The following CEP85 variants were observed in gnomAD, a reference collection of about 807,000 sequenced individuals.
CEP85 encodes the protein centrosomal protein 85, also known as centrosomal protein of 85 kDa.
In CEP85, 58 loss-of-function variants were observed where a neutral mutation model predicts 93.7. The ratio of observed to expected loss-of-function variants is 0.62; its 90% CI spans 0.50 to 0.77. The LOEUF (loss-of-function observed/expected upper bound fraction) is 0.77, where lower values mean the gene tolerates loss of function less well. Among genes scored for constraint, CEP85 ranks in the 30% least tolerant of loss-of-function variants. CEP85 has a pLI of 0.00. For synonymous variants in CEP85, 314 were observed against 338.6 expected (o/e 0.93, Z 0.80); for missense variants, 868 against 922.0 (o/e 0.94, Z 0.76).
At chr1:26,242,233 T>C (rs1417885786) in intron 2 of CEP85, among the ~76,000 whole-genome samples, 2 of 152,118 alleles carry the variant, frequency 1.3e-5, no homozygotes, top group African/African-American at 4.8e-5. Flanking sequence ...CGGTTTCCAG[T>C]AGGAAGTCAG....
chr1:26,273,901 A>AAAATAAAT (rs1553161625), intron 11 of CEP85, among the ~76,000 whole-genome samples: 18,869 of 141,038 alleles, frequency 0.13, 1,459 homozygotes, highest in South Asian at 0.2. Context: ...ACCCCATCTC[A>AAAATAAAT]AAATAAATAA....
intron 3 of CEP85, among the ~76,000 whole-genome samples, chr1:26,248,535 G>A (rs902108593): frequency 5.3e-5 from 8 of 151,650 alleles, no homozygotes; most frequent in Non-Finnish European, 1.0e-4. Context: ...TCGCTCTGTC[G>A]CCCAGGCTGG....
chr1:26,271,222 G>C, intron 10 of CEP85, 115 bp downstream of exon 10: 1 of 621,406 alleles, frequency 1.6e-6, no homozygotes, highest in Non-Finnish European at 2.8e-6. Flanking sequence ...TTGTTACCAA[G>C]AGCTTTTCTT....
chr1:26,276,182 A>G (rs1264796014), intron 12 of CEP85, among the ~76,000 whole-genome samples: 1 of 152,196 alleles, frequency 6.6e-6, no homozygotes, highest in African/African-American at 2.4e-5. Context: ...AGCCTTCTCT[A>G]ATAGCCTGGC....
intron 4 of CEP85, among the ~76,000 whole-genome samples, chr1:26,256,635 G>A (rs1209552644): frequency 8.0e-6 from 1 of 125,452 alleles, no homozygotes; most frequent in African/African-American, 3.0e-5. Flanking sequence ...GTCTTGCTCT[G>A]TTGCCCAGGC....
In CEP85 at chr1:26,272,642, T is replaced by TTG. The variant is rs1553161519; in HGVS notation, c.1794+572_1794+573insGT. 3.5e-4 allele frequency among the ~76,000 whole-genome samples: 48 copies of TTG among 135,294 alleles called. 1 individual carries two copies. The highest frequency in any genetic ancestry group is 1.2e-3 in the African/African-American group (43 of 34,828). The allele number at this position is 135,294 out of a possible 152,430, so 88.8% of individuals were successfully genotyped here. On this transcript the variant is annotated intron_variant, in intron 11 of 13. Coordinates refer to ENST00000451429, the MANE Select transcript of CEP85 (RefSeq NM_001319944.2). ...ATTTTTTTTTTTTTTTTTTTTTTTT[T>TTG]TTGGAGACAGAGTCTCGCTCTTGTC...
chr1:26,260,272 C>T (rs1285974882), intron 7 of CEP85, among the ~76,000 whole-genome samples: 1 of 152,154 alleles, frequency 6.6e-6, no homozygotes, highest in African/African-American at 2.4e-5. Context: ...GGGTGGATCA[C>T]CTGAGGTCCA....
At chr1:26,270,940 A>G (rs1452960437) in intron 9 of CEP85, 74 bp from the exon 10 acceptor site, 1 of 913,548 alleles carries the variant, frequency 1.1e-6, no homozygotes, top group Non-Finnish European at 1.8e-6. Flanking sequence ...AAAATGTGCA[A>G]TAAGTAGCAG....
chr1:26,247,964 A>G (rs1342155338), intron 3 of CEP85, among the ~76,000 whole-genome samples: 2 of 152,102 alleles, frequency 1.3e-5, no homozygotes, highest in East Asian at 1.9e-4. Flanking sequence ...CCCAGCCCCT[A>G]GAGTTAATTT....
intron 3 of CEP85, among the ~76,000 whole-genome samples, chr1:26,248,083 G>T (rs748151370): frequency 6.6e-6 from 1 of 152,134 alleles, no homozygotes; most frequent in Non-Finnish European, 1.5e-5. Context: ...GCCTCTGCTC[G>T]TTTTGATTGG....
intron 3 of CEP85, among the ~76,000 whole-genome samples, chr1:26,250,932 CTTT>C (rs869156420): frequency 5.7e-5 from 1 of 17,520 alleles, no homozygotes; most frequent in Non-Finnish European, 1.4e-4. Flanking sequence ...TTTCTTTTTT[CTTT>C]TTTTTTTTTT....
At chr1:26,256,342 C>G (rs900409333) in intron 4 of CEP85, among the ~76,000 whole-genome samples, 2 of 151,888 alleles carry the variant, frequency 1.3e-5, no homozygotes, top group African/African-American at 2.4e-5. Flanking sequence ...ACCAGCCTGG[C>G]CAGCAGAGTG....
intron 3 of CEP85, among the ~76,000 whole-genome samples, chr1:26,249,446 C>T (rs537416237): frequency 6.6e-6 from 1 of 152,226 alleles, no homozygotes; most frequent in African/African-American, 2.4e-5. Flanking sequence ...ACAAGAACCC[C>T]TGTGACTGGT....
chr1:26,271,753 G>T, intron 10 of CEP85: 1 of 448,110 alleles, frequency 2.2e-6, no homozygotes, highest in Non-Finnish European at 4.0e-6. Flanking sequence ...CAGTTATTAG[G>T]GTGAGAGTTC....
At chr1:26,238,767 CTTAATG>C (rs1238716853) in intron 1 of CEP85, among the ~76,000 whole-genome samples, 1 of 152,148 alleles carries the variant, frequency 6.6e-6, no homozygotes, top group Non-Finnish European at 1.5e-5. Flanking sequence ...AAATTGATAA[CTTAATG>C]TTTAGTGGGT....
At chr1:26,259,121 G>A (rs1455639619) in intron 6 of CEP85, among the ~76,000 whole-genome samples, 1 of 152,210 alleles carries the variant, frequency 6.6e-6, no homozygotes, top group Non-Finnish European at 1.5e-5. Flanking sequence ...AGAGTGGGAA[G>A]TGCCTTAAAT....
In CEP85 at chr1:26,268,492, C is replaced by T. The variant is rs1193239293; in HGVS notation, c.1351C>T (p.Arg451Cys). The T allele has an allele frequency of 2.5e-6, 4 of 1,613,914 alleles. No homozygotes were observed. The highest frequency in any genetic ancestry group is 3.4e-6 in the Non-Finnish European group (4 of 1,179,954). The change falls in exon 8 of 14, where the codon CGT becomes TGT. Residue 451 changes from arginine to cysteine, a missense_variant. Coordinates refer to ENST00000451429, the MANE Select transcript of CEP85 (RefSeq NM_001319944.2). ...VKKQEERVKG[R>C]DKHINNLKKK... ...ACATTTATTTTCCTAGGTCAAAGGTCGTGATAAACATATCAATAATTTGAA... is the reference window on the plus strand; with the variant it reads ...ACATTTATTTTCCTAGGTCAAAGGTTGTGATAAACATATCAATAATTTGAA...
At chr1:26,262,924 A>G (rs894615095) in intron 7 of CEP85, 4 of 152,304 alleles carry the variant, frequency 2.6e-5, no homozygotes, top group Non-Finnish European at 5.9e-5. Context: ...TTTATTAGAG[A>G]TGGGGTTTCA....
In CEP85 at chr1:26,269,671, TC is replaced by T; in HGVS notation, c.1649+59del. 2.9e-6 allele frequency: 4 copies of T among 1,381,968 alleles called. 1 individual carries two copies. In the South Asian group the frequency reaches 4.9e-5, roughly 17 times the overall value. The allele number at this position is 1,381,968 out of a possible 1,614,324, so 85.6% of individuals were successfully genotyped here. On this transcript the variant is annotated intron_variant, in intron 9 of 13. Coordinates refer to ENST00000451429, the MANE Select transcript of CEP85 (RefSeq NM_001319944.2). ...AGAGTTAAGTTTTTTGTCATAGCCATCCTGCTCACTTACCTGTGTGACTTTG... is the reference window on the plus strand; with the variant it reads ...AGAGTTAAGTTTTTTGTCATAGCCATCTGCTCACTTACCTGTGTGACTTTG...
Sources: allele counts gnomAD v4.1 joint callset (sites outside exome capture counted in the v4.1 genomes callset), GRCh38; gene constraint gnomAD v4.1.1; transcripts MANE v1.5; gene names NCBI Gene and HGNC (gene_info 2026-07-23, HGNC 2026-07-21).